LRP6: variants seen among roughly 807,000 people sequenced by gnomAD.
The protein encoded by LRP6 is LDL receptor related protein 6.
In LRP6, 43 loss-of-function variants were observed where a neutral mutation model predicts 184.1. The observed-to-expected ratio is 0.23, with a 90% confidence interval of 0.18 to 0.30. LRP6 has a LOEUF of 0.30. LRP6 is among the 10% of genes least tolerant of loss of function. The probability of loss-of-function intolerance (pLI) is 1.00; values close to 1 mark genes in which losing one functional copy is unlikely to be tolerated. For synonymous variants in LRP6, 719 were observed against 684.9 expected, an observed-to-expected ratio of 1.05 and a Z score of -0.78; for missense variants, 1,571 against 2,005.3, an observed-to-expected ratio of 0.78 and a Z score of 4.14.
chr12:12,242,413 A>G (rs2135913786), intron 2 of LRP6, among the ~76,000 whole-genome samples: 1 of 152,346 alleles, frequency 6.6e-6, no homozygotes, highest in South Asian at 2.1e-4. Context: ...ACAGTGGTAA[A>G]ATTGAACTTG....
chr12:12,127,816 A>T (rs1291357767), intron 19 of LRP6, among the ~76,000 whole-genome samples: 1 of 152,188 alleles, frequency 6.6e-6, no homozygotes, highest in Non-Finnish European at 1.5e-5. Context: ...TCTTACCTCA[A>T]ATCTCCCATC....
At chr12:12,161,360 C>A (rs1294051777) in intron 10 of LRP6, among the ~76,000 whole-genome samples, 3 of 152,152 alleles carry the variant, frequency 2.0e-5, no homozygotes, top group African/African-American at 7.2e-5. Flanking sequence ...CTCCACCTCC[C>A]AGATTCAAAC....
chr12:12,173,984 G>C (rs1863111266), intron 7 of LRP6, among the ~76,000 whole-genome samples: 1 of 152,218 alleles, frequency 6.6e-6, no homozygotes, highest in East Asian at 1.9e-4. Flanking sequence ...ATGTTATGAA[G>C]ATTTGGGGAG....
At chr12:12,206,542 C>CAA (rs60179716) in intron 2 of LRP6, among the ~76,000 whole-genome samples, 2 of 116,862 alleles carry the variant, frequency 1.7e-5, no homozygotes, top group South Asian at 2.9e-4. Context: ...GACTCCATCT[C>CAA]AAAAAAAAAA....
chr12:12,242,533 C>T (rs904546911), intron 2 of LRP6, among the ~76,000 whole-genome samples: 1 of 152,200 alleles, frequency 6.6e-6, no homozygotes, highest in Non-Finnish European at 1.5e-5. Context: ...ACCTCAGAAA[C>T]ATTTCAACAC....
rs567315765 is a variant in LRP6 at position 12,119,987 on chromosome 12, C to CAAACAAACAAACAAAAAAAAAAAAAAA, written c.*1138_*1139insTTTTTTTTTTTTTTTGTTTGTTTGTTT. 4 of 42,936 alleles carry CAAACAAACAAACAAAAAAAAAAAAAAA rather than the reference C, an allele frequency of 9.3e-5. No individual in the cohort carries two copies. Among genetic ancestry groups the CAAACAAACAAACAAAAAAAAAAAAAAA allele is most frequent in the Non-Finnish European group, 1.8e-4 (4 of 22,138 alleles). 2.7% of individuals were successfully genotyped at this position (42,936 alleles called of 1,614,324 possible). ...TTTACTCAGAAAACAAACAAACAAA[C>CAAACAAACAAACAAAAAAAAAAAAAAA]AAAATATATATATATATATATATAT... On this transcript the variant is annotated 3_prime_UTR_variant, in exon 23 of 23. Coordinates refer to ENST00000261349, the MANE Select transcript of LRP6 (RefSeq NM_002336.3).
intron 15 of LRP6, among the ~76,000 whole-genome samples, chr12:12,146,770 G>A (rs1214304093): frequency 3.3e-5 from 5 of 152,214 alleles, no homozygotes; most frequent in Non-Finnish European, 7.3e-5. Context: ...GAGAAAAACT[G>A]GCAGGGAGAT....
intron 10 of LRP6, 73 bp from the exon 11 acceptor site, chr12:12,160,037 A>T (rs929813090): frequency 9.2e-7 from 1 of 1,089,486 alleles, no homozygotes; most frequent in South Asian, 1.6e-5. Flanking sequence ...ATTCATGCAA[A>T]GTAACTAAAT....
intron 1 of LRP6, among the ~76,000 whole-genome samples, chr12:12,260,126 C>T (rs1207060343): frequency 1.3e-5 from 2 of 152,080 alleles, no homozygotes; most frequent in Non-Finnish European, 2.9e-5. Flanking sequence ...CGCCTGTAAT[C>T]CCAGCACTTT....
intron 12 of LRP6, among the ~76,000 whole-genome samples, chr12:12,152,181 CTTCT>C (rs1439514387): frequency 2.0e-5 from 3 of 152,116 alleles, no homozygotes; most frequent in Non-Finnish European, 4.4e-5. Context: ...CCCACTTTTG[CTTCT>C]TTCTCATTTG....
In LRP6 at chr12:12,179,765, A is replaced by C. The variant is rs1247944880; in HGVS notation, c.1545+45T>G. ...CAAATCATTATACTGTCGACTCAAA[A>C]CCCATTATAAAAGTGGCTTGAAAAT... On this transcript the variant is annotated intron_variant, in intron 7 of 22. Transcript: ENST00000261349. 3.1e-6 allele frequency: 5 copies of C among 1,598,480 alleles called. No homozygotes were observed. In the African/African-American group the frequency reaches 5.4e-5, roughly 17 times the overall value.
intron 13 of LRP6, 140 bp from the exon 14 acceptor site, chr12:12,149,293 C>G (rs1591887577): frequency 1.4e-6 from 1 of 723,852 alleles, no homozygotes; most frequent in Admixed American, 2.1e-5. Flanking sequence ...CTTACTGATA[C>G]CTTTTTTTAT....
intron 2 of LRP6, among the ~76,000 whole-genome samples, chr12:12,228,432 C>T (rs1864688397): frequency 6.6e-6 from 1 of 152,136 alleles, no homozygotes; most frequent in African/African-American, 2.4e-5. Flanking sequence ...AAGTAGATGT[C>T]TTCAGTTTAT....
intron 1 of LRP6, among the ~76,000 whole-genome samples, chr12:12,263,557 A>T (rs949406962): frequency 1.3e-5 from 2 of 151,094 alleles, no homozygotes; most frequent in African/African-American, 4.9e-5. Context: ...TCTCAAAAAA[A>T]AAAAAAAGAA....
intron 2 of LRP6, among the ~76,000 whole-genome samples, chr12:12,226,128 C>T (rs571015705): frequency 6.6e-6 from 1 of 152,336 alleles, no homozygotes; most frequent in Non-Finnish European, 1.5e-5. Flanking sequence ...CTGAGAAGCA[C>T]TTGTGAAGCT....
intron 16 of LRP6, among the ~76,000 whole-genome samples, chr12:12,136,238 T>G (rs1228051882): frequency 1.3e-5 from 2 of 152,172 alleles, no homozygotes; most frequent in African/African-American, 4.8e-5. Flanking sequence ...AACTTGAGTA[T>G]TATTCTATTT....
chr12:12,179,249 A>G (rs1863271664), intron 7 of LRP6, among the ~76,000 whole-genome samples: 1 of 152,134 alleles, frequency 6.6e-6, no homozygotes, highest in South Asian at 2.1e-4. Flanking sequence ...GCTTTGGTTA[A>G]TTAGTCTTGT....
chr12:12,177,445 G>GTTCAC (rs1183828821), intron 7 of LRP6, among the ~76,000 whole-genome samples: 4 of 152,086 alleles, frequency 2.6e-5, no homozygotes, highest in African/African-American at 9.7e-5. Flanking sequence ...CAAATCAAGG[G>GTTCAC]AGATGAAAAG....
chr12:12,129,646 G>A (rs1477706216), intron 19 of LRP6, among the ~76,000 whole-genome samples: 5 of 151,368 alleles, frequency 3.3e-5, no homozygotes, highest in Admixed American at 1.3e-4. Context: ...TCCACCTCCC[G>A]GGTTCAAACG....
Sources: allele counts gnomAD v4.1 joint callset (sites outside exome capture counted in the v4.1 genomes callset), GRCh38; gene constraint gnomAD v4.1.1; transcripts MANE v1.5; gene names NCBI Gene and HGNC (gene_info 2026-07-23, HGNC 2026-07-21).